Variants in BCAS3 observed in about 807,000 individuals in gnomAD.
The protein encoded by BCAS3 is BCAS3 microtubule associated cell migration factor.
BCAS3 carries 53 observed loss-of-function variants against 116.1 expected under a neutral mutation model. The ratio of observed to expected loss-of-function variants is 0.46; its 90% CI spans 0.37 to 0.57. The LOEUF is 0.57. Ranked by LOEUF, BCAS3 falls within the 20% of genes least tolerant of loss-of-function variation. The probability of loss-of-function intolerance (pLI) is 0.00; values close to 1 mark genes in which losing one functional copy is unlikely to be tolerated. For synonymous variants in BCAS3, 391 were observed against 408.2 expected, an observed-to-expected ratio of 0.96 and a Z score of 0.51; for missense variants, 917 against 1,165.4, an observed-to-expected ratio of 0.79 and a Z score of 3.10.
In BCAS3 at chr17:61,124,520, A is replaced by G. The variant is rs1432893650; in HGVS notation, c.2425+39956A>G. Among the ~76,000 whole-genome samples, 1 of 152,180 alleles carries G rather than the reference A, an allele frequency of 6.6e-6. No individual in the cohort carries two copies. Among genetic ancestry groups the G allele is most frequent in the African/African-American group, 2.4e-5 (1 of 41,458 alleles). ...GTACCAGTTATTCATATTTCACTGC[A>G]TGTTAGTATTTTGGCATCATTTCTT... On this transcript the variant is annotated intron_variant, in intron 22 of 23. Coordinates refer to ENST00000407086, the MANE Select transcript of BCAS3 (RefSeq NM_017679.5). This position sits in a 1 kb window ranked among gnomAD's most constrained non-coding sequence, Gnocchi z 4.6.
intron 21 of BCAS3, among the ~76,000 whole-genome samples, chr17:61,080,547 A>C (rs2072490457): frequency 6.6e-6 from 1 of 151,994 alleles, no homozygotes; most frequent in African/African-American, 2.4e-5. Flanking sequence ...GTTCGAGACC[A>C]GCCTGGCCAA....
intron 22 of BCAS3, among the ~76,000 whole-genome samples, chr17:61,206,332 C>T (rs1276125248): frequency 6.6e-6 from 1 of 152,202 alleles, no homozygotes; most frequent in Non-Finnish European, 1.5e-5. Context: ...AATTCTGAAG[C>T]AGAGATGTCT....
At chr17:61,010,605 A>G (rs914506236) in intron 15 of BCAS3, among the ~76,000 whole-genome samples, 1 of 152,078 alleles carries the variant, frequency 6.6e-6, no homozygotes, top group African/African-American at 2.4e-5. Flanking sequence ...AAACAATAAT[A>G]GCAGTAAACA....
intron 7 of BCAS3, among the ~76,000 whole-genome samples, chr17:60,866,940 C>T (rs1792600962): frequency 6.6e-6 from 1 of 151,994 alleles, no homozygotes; most frequent in African/African-American, 2.4e-5. Flanking sequence ...CTGTCTAGAA[C>T]ACAGTTTTTT....
intron 22 of BCAS3, among the ~76,000 whole-genome samples, chr17:61,299,521 T>C (rs2053263746): frequency 6.6e-6 from 1 of 150,430 alleles, no homozygotes; most frequent in Non-Finnish European, 1.5e-5. Context: ...TTTAAATAAA[T>C]TCATGCCAAC....
chr17:61,067,740 A>ATATATATATATATAT (rs1555697138), intron 19 of BCAS3, among the ~76,000 whole-genome samples: 3 of 133,750 alleles, frequency 2.2e-5, no homozygotes, highest in African/African-American at 9.9e-5. Flanking sequence ...AAAAAAAAAA[A>ATATATATATATATAT]ATATATATAT....
At position 61,195,930 on chromosome 17, in the gene BCAS3, CA is replaced by C. The variant is rs527725054; in HGVS notation, c.2425+111369del. On this transcript the variant is annotated intron_variant, in intron 22 of 23. Coordinates refer to ENST00000407086, the MANE Select transcript of BCAS3 (RefSeq NM_017679.5). ...TAGACTGTAGTAAAGATGAAAAGTC[CA>C]AACTGATTTTTATCTTTTTGTGCTG... Among the ~76,000 whole-genome samples, 442 of 152,308 alleles carry C rather than the reference CA, an allele frequency of 2.9e-3. 1 individual carries two copies. Among genetic ancestry groups the C allele is most frequent in the Non-Finnish European group, 4.9e-3 (333 of 68,022 alleles).
rs2082013868 is a variant in BCAS3 at position 61,219,934 on chromosome 17, G to C, written c.2425+135370G>C. On this transcript the variant is annotated intron_variant, in intron 22 of 23. Coordinates refer to ENST00000407086, the MANE Select transcript of BCAS3 (RefSeq NM_017679.5). This position sits in a 1 kb window ranked among gnomAD's most constrained non-coding sequence, Gnocchi z 5.2. ...GGGGAGAGGAGTAGGGCAAGAAAGA[G>C]GGTCTAACCAGAAATAAGTTTGCCA... Among the ~76,000 whole-genome samples the C allele has an allele frequency of 6.6e-6, 1 of 152,168 alleles. No homozygotes were observed. The highest frequency in any genetic ancestry group is 6.5e-5 in the Admixed American group (1 of 15,272).
intron 14 of BCAS3, among the ~76,000 whole-genome samples, chr17:60,968,213 T>C (rs2061761309): frequency 6.6e-6 from 1 of 152,158 alleles, no homozygotes; most frequent in Non-Finnish European, 1.5e-5. Context: ...TTTTGCTTAG[T>C]GCATTTTTTT....
intron 7 of BCAS3, among the ~76,000 whole-genome samples, chr17:60,809,747 G>A (rs146722809): frequency 6.6e-6 from 1 of 152,186 alleles, no homozygotes; most frequent in African/African-American, 2.4e-5. Flanking sequence ...ATGAAAAAGG[G>A]TCCAGGGGGA....
chr17:61,318,234 G>A (rs4968430), intron 22 of BCAS3, among the ~76,000 whole-genome samples: 113,394 of 152,146 alleles, frequency 0.75, 42,816 homozygotes, highest in East Asian at 0.85. Context: ...TAAGATATAA[G>A]CTGTGGCCCA....
chr17:60,826,152 G>A (rs565417257), intron 7 of BCAS3, among the ~76,000 whole-genome samples: 4 of 151,658 alleles, frequency 2.6e-5, no homozygotes, highest in Admixed American at 2.0e-4. Context: ...GAGCCACCTC[G>A]TCTGGCTAGT....
intron 4 of BCAS3, among the ~76,000 whole-genome samples, chr17:60,704,164 C>T (rs2036810863): frequency 6.6e-6 from 1 of 151,972 alleles, no homozygotes; most frequent in African/African-American, 2.4e-5. Context: ...TCCCAGATAC[C>T]ATTAAGAAAA....
intron 22 of BCAS3, among the ~76,000 whole-genome samples, chr17:61,293,118 C>T (rs1300935235): frequency 2.6e-5 from 4 of 152,252 alleles, no homozygotes; most frequent in African/African-American, 9.6e-5. Context: ...TCTGTGGACT[C>T]ATGTTCTGTA....
intron 22 of BCAS3, among the ~76,000 whole-genome samples, chr17:61,113,232 A>G (rs2075214423): frequency 3.1e-5 from 1 of 32,694 alleles, no homozygotes; most frequent in Admixed American, 4.6e-4. Flanking sequence ...AGAAATAACT[A>G]AAATCAGAGC....
chr17:60,746,019 A>G (rs1449127919), intron 5 of BCAS3, among the ~76,000 whole-genome samples: 1 of 152,142 alleles, frequency 6.6e-6, no homozygotes, highest in African/African-American at 2.4e-5. Flanking sequence ...TCATGTATAC[A>G]TCTTTGATAT....
At position 61,248,685 on chromosome 17, in the gene BCAS3, C is replaced by A. The variant is rs748491525; in HGVS notation, c.2426-119642C>A. 6.6e-6 allele frequency among the ~76,000 whole-genome samples: 1 copy of A among 152,000 alleles called. No individual in the cohort carries two copies. The highest frequency in any genetic ancestry group is 1.5e-5 in the Non-Finnish European group (1 of 67,998). On this transcript the variant is annotated intron_variant, in intron 22 of 23. Coordinates refer to ENST00000407086, the MANE Select transcript of BCAS3 (RefSeq NM_017679.5). The surrounding 1 kb of genome is among the most constrained non-coding windows in gnomAD (Gnocchi z 4.3). ...GCCAGCTTTGTGGCAGATGACCAAC[C>A]CTGATAGCCTGATTTTTAAGGCCCC...
intron 7 of BCAS3, among the ~76,000 whole-genome samples, chr17:60,831,864 A>C (rs1272747514): frequency 2.0e-5 from 3 of 149,784 alleles, no homozygotes; most frequent in African/African-American, 7.5e-5. Context: ...ATTGTAAAGT[A>C]ATGTCATTTT....
rs1428577648 is a variant in BCAS3, at chr17:61,051,736, T to C, written c.2029+10844T>C. 6.6e-6 allele frequency among the ~76,000 whole-genome samples: 1 copy of C among 152,124 alleles called. No individual in the cohort carries two copies. Among genetic ancestry groups the C allele is most frequent in the Non-Finnish European group, 1.5e-5 (1 of 68,022 alleles). ...CCTCAGCCTCCTGAGTACCTGGGAC[T>C]ATAGGCTCGCACCATCATGCCTGGC... On this transcript the variant is annotated intron_variant, in intron 19 of 23. Coordinates refer to ENST00000407086, the MANE Select transcript of BCAS3 (RefSeq NM_017679.5). The surrounding 1 kb of genome is among the most constrained non-coding windows in gnomAD (Gnocchi z 4.1).
Sources: gnomAD v4.1 joint callset for allele counts (sites outside exome capture counted in the v4.1 genomes callset) on GRCh38, gnomAD v4.1.1 for gene constraint, Gnocchi (gnomAD v3.1) non-coding constraint, MANE v1.5 for transcripts, NCBI Gene and HGNC (gene_info 2026-07-23, HGNC 2026-07-21) for gene names.